MYO5B: variants seen among roughly 807,000 people sequenced by gnomAD.
MYO5B encodes the protein unconventional myosin-Vb.
A neutral mutation model predicts 229.3 loss-of-function variants in MYO5B; 143 were observed. The observed-to-expected ratio is 0.62, with a 90% CI of 0.54 to 0.72. The LOEUF is 0.72. MYO5B is among the 30% of genes least tolerant of loss of function. The pLI is 0.00. For synonymous variants in MYO5B, 918 were observed against 885.2 expected (o/e 1.04, Z -0.66); for missense variants, 2,321 against 2,331.0 (o/e 1.00, Z 0.09).
intron 4 of MYO5B, among the ~76,000 whole-genome samples, chr18:50,015,708 A>G (rs1486337542): frequency 1.3e-5 from 2 of 152,152 alleles, no homozygotes; most frequent in African/African-American, 4.8e-5. Flanking sequence ...TCATCCCAAT[A>G]CAGCTTCCAA....
At chr18:50,045,531 C>G (rs916548750) in intron 2 of MYO5B, among the ~76,000 whole-genome samples, 1 of 152,112 alleles carries the variant, frequency 6.6e-6, no homozygotes, top group African/African-American at 2.4e-5. Flanking sequence ...GTAGCTCGGA[C>G]TACAGTTATG....
At chr18:49,853,895 A>AAAGGCTTTCT (rs1325328261) in intron 30 of MYO5B, among the ~76,000 whole-genome samples, 6 of 152,220 alleles carry the variant, frequency 3.9e-5, no homozygotes, top group Non-Finnish European at 8.8e-5. Context: ...CTTTCTCTCG[A>AAAGGCTTTCT]CCCTTGTTCC....
At position 49,902,870 on chromosome 18, in the gene MYO5B, C is replaced by T. The variant is rs763294938; in HGVS notation, c.2572-37G>A. ...CAAGGATACACATCTTGTGGGTTTG[C>T]ACTGCAGGACAGGAGTGAAGGAAGC... On this transcript the variant is annotated intron_variant, in intron 20 of 39. Transcript: ENST00000285039. The T allele has an allele frequency of 6.9e-6, 11 of 1,594,624 alleles. No homozygotes were observed. In the East Asian group the frequency reaches 2.2e-4, roughly 32 times the overall value.
chr18:50,172,342 G>C (rs1050093920), intron 1 of MYO5B, among the ~76,000 whole-genome samples: 3 of 146,990 alleles, frequency 2.0e-5, no homozygotes, highest in African/African-American at 7.6e-5. Flanking sequence ...TGAGTGCAAA[G>C]AGATTGGCCA....
intron 1 of MYO5B, among the ~76,000 whole-genome samples, chr18:50,086,625 T>C (rs1208117595): frequency 6.6e-6 from 1 of 152,132 alleles, no homozygotes; most frequent in Non-Finnish European, 1.5e-5. Flanking sequence ...CACGGAGAAA[T>C]TATATAACCC....
chr18:49,912,172 A>G lies in MYO5B; in HGVS notation c.2092T>C (p.Trp698Arg). 1 of 1,613,472 alleles carries G rather than the reference A, an allele frequency of 6.2e-7. No individual in the cohort carries two copies. Among genetic ancestry groups the G allele is most frequent in the Non-Finnish European group, 8.5e-7 (1 of 1,179,680 alleles). Residue 698 changes from tryptophan (W) to arginine (R), a missense_variant and splice_region_variant, in exon 18 of 40, where the codon TGG becomes CGG. Physicochemically the swap from Trp to Arg is moderately radical, Grantham distance 101. Coordinates refer to ENST00000285039, the MANE Select transcript of MYO5B (RefSeq NM_001080467.3). Reference protein sequence around the residue: ...RISAAGYPSRWAYHDFFNRYR... With the variant: ...RISAAGYPSRRAYHDFFNRYR... ...CGGTTGAAAAAGTCATGGTAGGCCC[A>G]CCTGGAGGGAAAGCAAAGGGGCATC...
rs774010032 is a variant in MYO5B at position 49,864,235 on chromosome 18, G to A, written c.3749C>T (p.Ala1250Val). 42 of 1,613,870 alleles carry A rather than the reference G, an allele frequency of 2.6e-5. No homozygotes were observed. Among genetic ancestry groups the A allele is most frequent in the Non-Finnish European group, 3.4e-5 (40 of 1,180,054 alleles). Residue 1250 changes from alanine to valine, a missense_variant, in exon 28 of 40, where the codon GCC (alanine) becomes GTC (valine). Around this residue, in one of 2 missense-constraint regions of MYO5B, gnomAD observed 2,113 missense variants for 2,044.7 expected, o/e 1.03. Coordinates refer to ENST00000285039, the MANE Select transcript of MYO5B (RefSeq NM_001080467.3). ...CTTGCGCACCTCGAGCTCCTCGTGG[G>A]CCAGCTTGAGCTGGTTCAGCAGGAG... The part of the protein sequence containing the change: ...YSLLLNQLKL[A>V]HEELEVRKEE...
At chr18:50,185,673 C>CA (rs2033138352) in intron 1 of MYO5B, among the ~76,000 whole-genome samples, 1 of 151,974 alleles carries the variant, frequency 6.6e-6, no homozygotes, top group African/African-American at 2.4e-5. Context: ...TTACTGTCAA[C>CA]AAAAAACAAA....
intron 1 of MYO5B, among the ~76,000 whole-genome samples, chr18:50,167,576 C>T (rs1401433277): frequency 6.6e-6 from 1 of 152,180 alleles, no homozygotes; most frequent in Non-Finnish European, 1.5e-5. Flanking sequence ...AAAATCAGAA[C>T]TGGCTGACTC....
At chr18:49,844,071 ACT>A (rs989458776) in intron 33 of MYO5B, among the ~76,000 whole-genome samples, 4 of 150,626 alleles carry the variant, frequency 2.7e-5, no homozygotes, top group African/African-American at 9.8e-5. Flanking sequence ...TGTATCCCAC[ACT>A]CCTGTCCCTG....
intron 1 of MYO5B, among the ~76,000 whole-genome samples, chr18:50,077,168 T>TAAAAAG (rs2031100111): frequency 1.2e-5 from 1 of 81,232 alleles, no homozygotes; most frequent in Non-Finnish European, 2.3e-5. Flanking sequence ...TGTGGCAAAG[T>TAAAAAG]AAAAAAAAAA....
At position 50,194,848 on chromosome 18, in the gene MYO5B, G is replaced by A; in HGVS notation, c.-55C>T. 1.6e-6 allele frequency: 2 copies of A among 1,264,236 alleles called. No homozygotes were observed. The highest frequency in any genetic ancestry group is 3.0e-5 in the South Asian group (1 of 33,588). 78.3% of individuals were successfully genotyped at this position (1,264,236 alleles called of 1,614,324 possible). On this transcript the variant is annotated 5_prime_UTR_variant, in exon 1 of 40. Transcript: ENST00000285039. ...GCTCCTGGCTGCCCCGCGGCTCTCA[G>A]TCCGCGGCTGGCCCGCCTGGCGCCA...
At chr18:49,837,874 T>C (rs1037076353) in intron 36 of MYO5B, 72 bp from the exon 37 acceptor site, 1 of 1,560,094 alleles carries the variant, frequency 6.4e-7, no homozygotes, top group Non-Finnish European at 8.8e-7. Flanking sequence ...ACTCAAATCA[T>C]TTAGTGCTCC....
intron 4 of MYO5B, among the ~76,000 whole-genome samples, chr18:50,028,293 A>G (rs1381824045): frequency 6.6e-6 from 1 of 152,218 alleles, no homozygotes; most frequent in Non-Finnish European, 1.5e-5. Flanking sequence ...TATAATAAGT[A>G]AACAACATGA....
chr18:49,906,283 A>T, intron 19 of MYO5B, 136 bp downstream of exon 19: 1 of 860,596 alleles, frequency 1.2e-6, no homozygotes. Context: ...TGCCGAGGAA[A>T]AGCCAAGATG....
chr18:50,108,593 A>G (rs1568109746), intron 1 of MYO5B, among the ~76,000 whole-genome samples: 1 of 152,186 alleles, frequency 6.6e-6, no homozygotes, highest in Non-Finnish European at 1.5e-5. Flanking sequence ...TAGACCGGCT[A>G]CATGTTTCAC....
At chr18:49,894,069 T>A (rs1351090268) in intron 22 of MYO5B, among the ~76,000 whole-genome samples, 2 of 151,882 alleles carry the variant, frequency 1.3e-5, no homozygotes, top group Non-Finnish European at 2.9e-5. Flanking sequence ...AATGGCAGAG[T>A]GGGGATGGGA....
At chr18:50,152,735 CA>C (rs2032618453) in intron 1 of MYO5B, among the ~76,000 whole-genome samples, 1 of 151,952 alleles carries the variant, frequency 6.6e-6, no homozygotes, top group Non-Finnish European at 1.5e-5. Context: ...TTTTAAAACC[CA>C]GGAAAGCTAA....
chr18:49,894,331 G>A (rs1162566518), intron 22 of MYO5B, among the ~76,000 whole-genome samples: 1 of 152,176 alleles, frequency 6.6e-6, no homozygotes, highest in Non-Finnish European at 1.5e-5. Context: ...CAAGTCTGTG[G>A]GGGGGTCTCC....
Sources: allele counts gnomAD v4.1 joint callset (sites outside exome capture counted in the v4.1 genomes callset), GRCh38; gene constraint gnomAD v4.1.1; regional missense constraint gnomAD v4.1.1; transcripts MANE v1.5; gene names NCBI Gene and HGNC (gene_info 2026-07-23, HGNC 2026-07-21).